ZNF420: variants seen among roughly 807,000 people sequenced by gnomAD.
ZNF420 encodes the protein ATM and p53-associated KZNF protein.
Under a neutral mutation model 44.7 loss-of-function variants are expected in ZNF420, and 31 were observed. That is an observed-to-expected ratio of 0.69 (90% CI 0.52 to 0.94). The LOEUF (loss-of-function observed/expected upper bound fraction) is 0.94, where lower values mean the gene tolerates loss of function less well. Ranked by LOEUF, ZNF420 falls within the 40% of genes least tolerant of loss-of-function variation. ZNF420 has a pLI of 0.00. For synonymous variants in ZNF420, 245 were observed against 267.4 expected (o/e 0.92, Z 0.82); for missense variants, 681 against 827.9 (o/e 0.82, Z 2.18).
intron 1 of ZNF420, among the ~76,000 whole-genome samples, chr19:37,045,043 C>T (rs1402500572): frequency 6.6e-6 from 1 of 152,152 alleles, no homozygotes; most frequent in Non-Finnish European, 1.5e-5. Flanking sequence ...GAATAGACTG[C>T]TACTATGCAT....
intron 4 of ZNF420, among the ~76,000 whole-genome samples, chr19:37,110,120 TAATA>T (rs1568464881): frequency 6.6e-6 from 1 of 152,230 alleles, no homozygotes; most frequent in Non-Finnish European, 1.5e-5. Flanking sequence ...CAAAATAAGA[TAATA>T]AATGTTTTTT....
rs576587354 is a variant in ZNF420, at chr19:37,085,240, G to A, written c.-80-3799G>A. Among the ~76,000 whole-genome samples, 6 of 152,234 alleles carry A rather than the reference G, an allele frequency of 3.9e-5. No homozygotes were observed. The South Asian group carries it at 1.0e-3, about 26-fold the overall frequency. On this transcript the variant is annotated intron_variant, in intron 2 of 4. Transcript: ENST00000337995. ...AAGTATGTTTAATTTCCAAATATTT[G>A]GAGATTCTTGTTACTAGTTTGTAAT... is the stretch of plus-strand genomic sequence containing the variant.
intron 1 of ZNF420, among the ~76,000 whole-genome samples, chr19:37,015,186 G>T (rs1299617237): frequency 1.3e-5 from 2 of 152,142 alleles, no homozygotes; most frequent in Non-Finnish European, 2.9e-5. Flanking sequence ...AATGTGACTC[G>T]TGCGCTGGAG....
At chr19:37,073,082 T>C (rs1205408585) in intron 1 of ZNF420, among the ~76,000 whole-genome samples, 2 of 152,160 alleles carry the variant, frequency 1.3e-5, no homozygotes, top group African/African-American at 4.8e-5. Context: ...GGGTGGCTCA[T>C]GCTTATAATC....
At chr19:37,078,060 G>C (rs1968207579), upstream of ZNF420, 1 of 153,066 alleles carries the variant, frequency 6.5e-6, no homozygotes, top group African/African-American at 2.4e-5. Context: ...CCGAGGTTCC[G>C]GCGGGTCCCC....
At chr19:37,072,073 T>C (rs1968068198) in intron 1 of ZNF420, among the ~76,000 whole-genome samples, 1 of 152,188 alleles carries the variant, frequency 6.6e-6, no homozygotes, top group Non-Finnish European at 1.5e-5. Context: ...ATGATTTCTG[T>C]TGACTGAAAA....
intron 1 of ZNF420, among the ~76,000 whole-genome samples, chr19:37,037,448 C>T (rs961177847): frequency 2.0e-5 from 3 of 152,224 alleles, no homozygotes; most frequent in Non-Finnish European, 4.4e-5. Flanking sequence ...GCGCAGGCTT[C>T]CCCTGTGCTG....
intron 1 of ZNF420, chr19:37,025,322 TTC>T (rs1483205315): frequency 9.5e-5 from 19 of 199,852 alleles, no homozygotes; most frequent in Non-Finnish European, 1.8e-4. Flanking sequence ...AAGGGGTATT[TTC>T]TTCTTACCTG....
chr19:37,045,162 A>ATT (rs1967521548), intron 1 of ZNF420, among the ~76,000 whole-genome samples: 1 of 152,198 alleles, frequency 6.6e-6, no homozygotes, highest in Non-Finnish European at 1.5e-5. Context: ...AAATTAGGAT[A>ATT]TTTTAAAAGT....
intron 1 of ZNF420, among the ~76,000 whole-genome samples, chr19:37,028,648 T>G (rs1357066268): frequency 1.3e-5 from 2 of 152,136 alleles, no homozygotes; most frequent in African/African-American, 2.4e-5. Flanking sequence ...ACTGAGAAAT[T>G]TCTGTATTCT....
At chr19:37,090,559 T>C (rs1040067632) in intron 3 of ZNF420, among the ~76,000 whole-genome samples, 4 of 151,670 alleles carry the variant, frequency 2.6e-5, no homozygotes, top group African/African-American at 9.7e-5. Flanking sequence ...GGAACATATT[T>C]GTACTTTTCA....
chr19:37,082,385 A>G (rs930801362), intron 2 of ZNF420, among the ~76,000 whole-genome samples: 3 of 152,110 alleles, frequency 2.0e-5, no homozygotes, highest in African/African-American at 7.2e-5. Context: ...GGCTGGTCTC[A>G]AACTCCTGAA....
intron 1 of ZNF420, among the ~76,000 whole-genome samples, chr19:37,071,488 T>C (rs1968056116): frequency 6.6e-6 from 1 of 152,036 alleles, no homozygotes; most frequent in South Asian, 2.1e-4. Context: ...TGTCTAGGAG[T>C]CTTCAAAGTT....
At chr19:37,090,296 A>G (rs1969056819) in intron 3 of ZNF420, among the ~76,000 whole-genome samples, 2 of 151,996 alleles carry the variant, frequency 1.3e-5, no homozygotes, top group Non-Finnish European at 2.9e-5. Context: ...GGAATTCAAG[A>G]CTAGCCTGGG....
At chr19:37,045,264 C>T (rs769916636) in intron 1 of ZNF420, among the ~76,000 whole-genome samples, 2 of 152,096 alleles carry the variant, frequency 1.3e-5, no homozygotes, top group Non-Finnish European at 2.9e-5. Context: ...ATGATGTTAA[C>T]AATATACTAT....
intron 1 of ZNF420, among the ~76,000 whole-genome samples, chr19:37,015,059 C>T (rs975919256): frequency 6.6e-6 from 1 of 152,250 alleles, no homozygotes; most frequent in African/African-American, 2.4e-5. Flanking sequence ...GGAGGGGCTT[C>T]CTGGCAGAGA....
At chr19:37,061,308 T>C (rs183518563) in intron 1 of ZNF420, among the ~76,000 whole-genome samples, 1 of 152,344 alleles carries the variant, frequency 6.6e-6, no homozygotes, top group Admixed American at 6.5e-5. Flanking sequence ...ATTTTGGACA[T>C]GTAAAATTCA....
intron 4 of ZNF420, among the ~76,000 whole-genome samples, chr19:37,118,810 G>A (rs1273231951): frequency 6.6e-6 from 1 of 151,572 alleles, no homozygotes; most frequent in Non-Finnish European, 1.5e-5. Flanking sequence ...AAAAGGCAGG[G>A]GTTGCAATCC....
In ZNF420 at chr19:37,128,500, T is replaced by C; in HGVS notation, c.1509T>C (p.Tyr503=). 6.2e-7 allele frequency: 1 copy of C among 1,614,050 alleles called. No homozygotes were observed. The highest frequency in any genetic ancestry group is 8.5e-7 in the Non-Finnish European group (1 of 1,179,954). Residue 503 remains tyrosine (Y), a synonymous_variant, in exon 5 of 5, where the codon TAT becomes TAC. Transcript: ENST00000337995. The part of the protein sequence containing the change: ...HQRIHTGEKP[Y]ECKECRMAFT... Reference sequence around the variant, plus strand: ...GAATCCATACTGGTGAGAAACCTTATGAATGTAAAGAATGTAGAATGGCCT... The same window carrying C: ...GAATCCATACTGGTGAGAAACCTTACGAATGTAAAGAATGTAGAATGGCCT...
Sources: gnomAD v4.1 joint callset for allele counts (sites outside exome capture counted in the v4.1 genomes callset) on GRCh38, gnomAD v4.1.1 for gene constraint, MANE v1.5 for transcripts, NCBI Gene and HGNC (gene_info 2026-07-23, HGNC 2026-07-21) for gene names.